The following PCCA variants were observed in gnomAD, a reference collection of about 807,000 sequenced individuals.
PCCA encodes the protein propionyl-CoA carboxylase alpha chain, mitochondrial.
PCCA carries 74 observed loss-of-function variants against 101.3 expected under a neutral mutation model. The ratio of observed to expected loss-of-function variants is 0.73; its 90% CI spans 0.61 to 0.89. The LOEUF (loss-of-function observed/expected upper bound fraction) is 0.89. Among genes scored for constraint, PCCA ranks in the 40% least tolerant of loss-of-function variants. The pLI, the probability that PCCA is intolerant of heterozygous loss-of-function variation, is 0.00. For missense variants in PCCA, 891 were observed against 907.0 expected (o/e 0.98, Z 0.23); for synonymous variants, 294 against 313.6 (o/e 0.94, Z 0.66).
intron 12 of PCCA, among the ~76,000 whole-genome samples, chr13:100,284,118 A>T (rs1383755687): frequency 6.6e-6 from 1 of 152,212 alleles, no homozygotes; most frequent in East Asian, 1.9e-4. Flanking sequence ...GTCCTGGATG[A>T]CTGTCCTCAA....
chr13:100,111,626 G>A (rs1286867979), intron 2 of PCCA, among the ~76,000 whole-genome samples: 3 of 152,048 alleles, frequency 2.0e-5, no homozygotes, highest in Non-Finnish European at 4.4e-5. Context: ...GTTGTAAACG[G>A]TTATACTATT....
At chr13:100,194,225 T>C (rs960411975) in intron 6 of PCCA, among the ~76,000 whole-genome samples, 2 of 152,188 alleles carry the variant, frequency 1.3e-5, no homozygotes, top group African/African-American at 4.8e-5. Context: ...ACCTAAACTA[T>C]ATGACTCTTA....
intron 8 of PCCA, among the ~76,000 whole-genome samples, chr13:100,249,050 G>A (rs762144428): frequency 2.0e-5 from 3 of 152,192 alleles, no homozygotes; most frequent in Non-Finnish European, 2.9e-5. Context: ...CACCATGCCC[G>A]GCTGTGTCTT....
intron 8 of PCCA, among the ~76,000 whole-genome samples, chr13:100,239,263 G>A (rs1199745883): frequency 6.6e-6 from 1 of 152,200 alleles, no homozygotes; most frequent in African/African-American, 2.4e-5. Flanking sequence ...CAAGGTCACA[G>A]AACTATCGAG....
intron 4 of PCCA, among the ~76,000 whole-genome samples, chr13:100,117,513 T>C (rs1359482845): frequency 6.6e-6 from 1 of 151,690 alleles, no homozygotes; most frequent in East Asian, 1.9e-4. Flanking sequence ...CTCAGCAAAC[T>C]ATCACAGGGA....
chr13:100,296,459 C>G (rs961795541), intron 12 of PCCA, among the ~76,000 whole-genome samples: 44 of 151,370 alleles, frequency 2.9e-4, no homozygotes, highest in African/African-American at 9.2e-4. Context: ...GCCATGTTGT[C>G]CAGTCTGCTC....
intron 14 of PCCA, 51 bp from the exon 15 acceptor site, chr13:100,307,141 A>C (rs2066512229): frequency 7.4e-7 from 1 of 1,348,512 alleles, no homozygotes; most frequent in South Asian, 1.2e-5. Context: ...GGTTACAAAA[A>C]AATATCTACA....
At chr13:100,180,493 G>A (rs890511405) in intron 6 of PCCA, among the ~76,000 whole-genome samples, 2 of 152,164 alleles carry the variant, frequency 1.3e-5, no homozygotes, top group African/African-American at 4.8e-5. Context: ...GGATTATTCA[G>A]TATTGAAAAA....
intron 19 of PCCA, among the ~76,000 whole-genome samples, chr13:100,379,340 T>A (rs2076097484): frequency 6.6e-6 from 1 of 152,180 alleles, no homozygotes; most frequent in Non-Finnish European, 1.5e-5. Flanking sequence ...GGGCTGAGTA[T>A]GTCTGTCCTT....
At chr13:100,396,090 A>G (rs756071312) in intron 19 of PCCA, among the ~76,000 whole-genome samples, 1 of 152,228 alleles carries the variant, frequency 6.6e-6, no homozygotes, top group African/African-American at 2.4e-5. Context: ...GCTGAAAACA[A>G]TAGTCTCTGA....
chr13:100,420,844 G>A (rs1008385885), intron 19 of PCCA, among the ~76,000 whole-genome samples: 2 of 152,178 alleles, frequency 1.3e-5, no homozygotes, highest in African/African-American at 4.8e-5. Context: ...GTGCCTACTA[G>A]TGAAAGGTCT....
intron 4 of PCCA, among the ~76,000 whole-genome samples, chr13:100,137,386 G>T (rs1346017530): frequency 1.3e-5 from 2 of 152,170 alleles, no homozygotes; most frequent in African/African-American, 2.4e-5. Flanking sequence ...GTATTGTCCA[G>T]TTCCTCTATA....
intron 23 of PCCA, 44 bp from the exon 24 acceptor site, chr13:100,530,054 C>T (rs1194477481): frequency 6.7e-7 from 1 of 1,485,788 alleles, no homozygotes; most frequent in Non-Finnish European, 9.4e-7. Context: ...GTTCTGGTTA[C>T]TAATTCTTAC....
intron 18 of PCCA, among the ~76,000 whole-genome samples, chr13:100,359,895 T>C (rs1364981074): frequency 6.6e-6 from 1 of 152,192 alleles, no homozygotes; most frequent in Non-Finnish European, 1.5e-5. Context: ...GCAGGCCCGA[T>C]AGTAATTCTA....
At chr13:100,472,471 G>A (rs9518077) in intron 21 of PCCA, among the ~76,000 whole-genome samples, 35,417 of 152,030 alleles carry the variant, frequency 0.23, 4,258 homozygotes, top group Non-Finnish European at 0.25. Flanking sequence ...TGCCGACGAG[G>A]AGAGGTTAAT....
At chr13:100,496,425 A>C (rs888175707) in intron 21 of PCCA, among the ~76,000 whole-genome samples, 1 of 152,032 alleles carries the variant, frequency 6.6e-6, no homozygotes, top group East Asian at 1.9e-4. Context: ...TATTTTGTCA[A>C]ATGGCTCTCA....
intron 17 of PCCA, among the ~76,000 whole-genome samples, chr13:100,331,365 C>A (rs1244999642): frequency 6.6e-6 from 1 of 152,078 alleles, no homozygotes; most frequent in Admixed American, 6.5e-5. Flanking sequence ...TTTTAATGAG[C>A]TAGTGAGGTA....
intron 16 of PCCA, among the ~76,000 whole-genome samples, chr13:100,313,281 G>T (rs2067073820): frequency 6.6e-6 from 1 of 152,100 alleles, no homozygotes; most frequent in South Asian, 2.1e-4. Flanking sequence ...GATTTTTCTT[G>T]CCTGCTGCAC....
chr13:100,322,453 A>ATT (rs2068162966), intron 16 of PCCA, among the ~76,000 whole-genome samples: 1 of 152,066 alleles, frequency 6.6e-6, no homozygotes, highest in South Asian at 2.1e-4. Context: ...GTCACAATAA[A>ATT]CTGTGTCTTA....
Sources: allele counts gnomAD v4.1 joint callset (sites outside exome capture counted in the v4.1 genomes callset), GRCh38; gene constraint gnomAD v4.1.1; transcripts MANE v1.5; gene names NCBI Gene and HGNC (gene_info 2026-07-23, HGNC 2026-07-21).